Variants in MELK observed in about 807,000 individuals in gnomAD.
MELK encodes maternal embryonic leucine zipper kinase.
Under a neutral mutation model 85.0 loss-of-function variants are expected in MELK, and 81 were observed. The observed-to-expected ratio is 0.95, with a 90% CI of 0.80 to 1.15. MELK has a LOEUF of 1.15. Among genes scored for constraint, MELK ranks in the 50% most tolerant of loss-of-function variants. The pLI, the probability that MELK is intolerant of heterozygous loss-of-function variation, is 0.00. For missense variants in MELK, 754 were observed against 777.5 expected, an observed-to-expected ratio of 0.97 and a Z score of 0.36; for synonymous variants, 252 against 265.0, an observed-to-expected ratio of 0.95 and a Z score of 0.48.
chr9:36,649,654 G>C lies in MELK; in HGVS notation c.922-2092G>C, dbSNP rs183474759. Among the ~76,000 whole-genome samples the C allele has an allele frequency of 6.6e-4, 100 of 151,774 alleles. 2 individuals carry two copies. In the East Asian group the frequency reaches 0.012, roughly 19 times the overall value. On this transcript the variant is annotated intron_variant, in intron 11 of 17. Transcript: ENST00000298048. The stretch of plus-strand genomic sequence containing the variant: ...CGTGGTGGCATGTGCCTGTAATCCC[G>C]GGTACTCGGGACCCTGAGGCGAGAG...
intron 14 of MELK, among the ~76,000 whole-genome samples, chr9:36,666,811 C>T (rs1832375681): frequency 6.6e-6 from 1 of 150,710 alleles, no homozygotes; most frequent in South Asian, 2.1e-4. Context: ...ACACTTTCCG[C>T]CAAAATGTGA....
chr9:36,673,189 G>C (rs1012989730), intron 16 of MELK, among the ~76,000 whole-genome samples: 4 of 152,262 alleles, frequency 2.6e-5, no homozygotes, highest in Admixed American at 2.0e-4. Context: ...AAGGTGTTCA[G>C]TTTATTATTA....
rs576945057 is a variant in MELK at position 36,657,173 on chromosome 9, G to A, written c.1054-68G>A. The A allele has an allele frequency of 1.2e-3, 1,761 of 1,506,128 alleles. 28 individuals are homozygous for A. The South Asian group carries it at 0.02, about 17-fold the overall frequency. 93.3% of individuals were successfully genotyped at this position (1,506,128 alleles called of 1,614,324 possible). On this transcript the variant is annotated intron_variant, in intron 12 of 17. Coordinates refer to ENST00000298048, the MANE Select transcript of MELK (RefSeq NM_014791.4). Reference sequence around the variant, plus strand: ...ATGTGTCTCTGTCGTTAAGTGACGCGTGACTGTATTTTAAATATTGAATCA... The same window carrying A: ...ATGTGTCTCTGTCGTTAAGTGACGCATGACTGTATTTTAAATATTGAATCA...
chr9:36,661,554 AAAGT>A lies in MELK; in HGVS notation c.1177-3792_1177-3789del, dbSNP rs1227097516. Among the ~76,000 whole-genome samples, 3 of 152,356 alleles carry A rather than the reference AAAGT, an allele frequency of 2.0e-5. No homozygotes were observed. The East Asian group carries it at 5.8e-4, about 29-fold the overall frequency. On this transcript the variant is annotated intron_variant, in intron 13 of 17. Coordinates refer to ENST00000298048, the MANE Select transcript of MELK (RefSeq NM_014791.4). ...TAAAAGAACTATTATAAAATTAAAG[AAAGT>A]AAGATTTCCTTAATAAATAAAACAA...
At chr9:36,648,490 C>T (rs1830417976) in intron 11 of MELK, among the ~76,000 whole-genome samples, 1 of 152,184 alleles carries the variant, frequency 6.6e-6, no homozygotes, top group Admixed American at 6.5e-5. Context: ...CGCATCCTGG[C>T]AGAAGACTGG....
intron 12 of MELK, among the ~76,000 whole-genome samples, chr9:36,653,697 T>C (rs971626279): frequency 6.6e-6 from 1 of 152,164 alleles, no homozygotes; most frequent in African/African-American, 2.4e-5. Context: ...AGGTAGTTGG[T>C]TGGCCCTGTT....
intron 8 of MELK, among the ~76,000 whole-genome samples, chr9:36,613,296 A>G (rs1237176081): frequency 6.6e-6 from 1 of 152,176 alleles, no homozygotes; most frequent in Non-Finnish European, 1.5e-5. Context: ...TTATGTGTTC[A>G]TTTGTTTGTT....
At chr9:36,608,691 C>T (rs1245559762) in intron 8 of MELK, among the ~76,000 whole-genome samples, 3 of 152,062 alleles carry the variant, frequency 2.0e-5, no homozygotes, top group Non-Finnish European at 4.4e-5. Context: ...AAGCGATTCT[C>T]CTGTCTCAGC....
In MELK at chr9:36,657,394, A is replaced by C. The variant is rs201966638; in HGVS notation, c.1176+31A>C. ...TCATTCTTATTACTATTTAAGGCAGAATCTATTGTTTCAATTATAAAAACA... is the reference window on the plus strand; with the variant it reads ...TCATTCTTATTACTATTTAAGGCAGCATCTATTGTTTCAATTATAAAAACA... On this transcript the variant is annotated intron_variant, in intron 13 of 17. Coordinates refer to ENST00000298048, the MANE Select transcript of MELK (RefSeq NM_014791.4). The C allele has an allele frequency of 3.5e-5, 54 of 1,559,842 alleles. No homozygotes were observed. In the African/African-American group the frequency reaches 7.0e-4, roughly 20 times the overall value.
rs770555227 is a variant in MELK at position 36,677,355 on chromosome 9, C to A, written c.*18C>A. 9.4e-6 allele frequency: 15 copies of A among 1,601,798 alleles called. No individual in the cohort carries two copies. The African/African-American group carries it at 2.0e-4, about 21-fold the overall frequency. ...AGGTATAATTGATGGATTCTTCCAT[C>A]CTGCCGGATGAGTGTGGGTGTGATA... On this transcript the variant is annotated 3_prime_UTR_variant, in exon 18 of 18. Transcript: ENST00000298048.
intron 8 of MELK, among the ~76,000 whole-genome samples, chr9:36,627,707 A>G (rs1828077775): frequency 6.6e-6 from 1 of 151,526 alleles, no homozygotes; most frequent in East Asian, 2.0e-4. Context: ...TTGTATTTTT[A>G]GTAGAGACGG....
intron 12 of MELK, among the ~76,000 whole-genome samples, chr9:36,656,618 TTTTCTTTTTTTTTC>T (rs1831273315): frequency 1.3e-5 from 2 of 152,108 alleles, no homozygotes; most frequent in East Asian, 1.9e-4. Context: ...TTACTCTACC[TTTTCTTTTTTTTTC>T]TTTCTTTTTT....
At chr9:36,609,832 G>GT (rs1433876943) in intron 8 of MELK, among the ~76,000 whole-genome samples, 5 of 152,154 alleles carry the variant, frequency 3.3e-5, no homozygotes, top group Admixed American at 6.6e-5. Flanking sequence ...GAAAGGCATA[G>GT]AAAAGATCTA....
intron 7 of MELK, among the ~76,000 whole-genome samples, chr9:36,602,853 C>T (rs1340427232): frequency 1.3e-5 from 2 of 152,164 alleles, no homozygotes. Context: ...GCCACCACGC[C>T]TGGCCACAGA....
In MELK at chr9:36,573,895, C is replaced by T. The variant is rs1418757381; in HGVS notation, c.-39+888C>T. ...GAAACCTGGTGTAGGGTTGTGGGAG[C>T]TGGAAAGGGTAGACTCAGGGAAGGC... On this transcript the variant is annotated intron_variant, in intron 1 of 17. Transcript: ENST00000298048. 2.0e-5 allele frequency among the ~76,000 whole-genome samples: 3 copies of T among 151,776 alleles called. No individual in the cohort carries two copies. The East Asian group carries it at 5.8e-4, about 29-fold the overall frequency.
At chr9:36,612,706 T>G (rs1826170915) in intron 8 of MELK, among the ~76,000 whole-genome samples, 1 of 152,234 alleles carries the variant, frequency 6.6e-6, no homozygotes, top group Non-Finnish European at 1.5e-5. Context: ...GGACTTAAAA[T>G]TGGCTCAAAA....
intron 3 of MELK, among the ~76,000 whole-genome samples, chr9:36,587,003 C>T (rs1192860711): frequency 6.6e-6 from 1 of 151,558 alleles, no homozygotes; most frequent in East Asian, 2.0e-4. Context: ...CTGGGACCAC[C>T]ACGCCCAGCT....
chr9:36,599,186 A>G (rs1824632966), intron 6 of MELK, among the ~76,000 whole-genome samples: 1 of 151,728 alleles, frequency 6.6e-6, no homozygotes, highest in South Asian at 2.1e-4. Context: ...CTGTAATCCC[A>G]GCTACTCTGG....
At chr9:36,645,418 A>G (rs1830137725) in intron 11 of MELK, among the ~76,000 whole-genome samples, 1 of 152,154 alleles carries the variant, frequency 6.6e-6, no homozygotes, top group African/African-American at 2.4e-5. Flanking sequence ...AAAACATAAC[A>G]AAGCATAGTA....
Sources: gnomAD v4.1 joint callset for allele counts (sites outside exome capture counted in the v4.1 genomes callset) on GRCh38, gnomAD v4.1.1 for gene constraint, MANE v1.5 for transcripts, NCBI Gene and HGNC (gene_info 2026-07-23, HGNC 2026-07-21) for gene names.